The following ZSWIM6 variants were observed in gnomAD, a reference collection of about 807,000 sequenced individuals.
ZSWIM6 encodes the protein zinc finger SWIM-type containing 6, also known as zinc finger SWIM domain-containing protein 6.
ZSWIM6 carries 9 observed loss-of-function variants against 113.2 expected under a neutral mutation model. The ratio of observed to expected loss-of-function variants is 0.08; its 90% CI spans 0.05 to 0.14. The LOEUF is 0.14. Among genes scored for constraint, ZSWIM6 ranks in the 10% least tolerant of loss-of-function variants. ZSWIM6 has a pLI of 1.00. For synonymous variants in ZSWIM6, 611 were observed against 606.5 expected, an observed-to-expected ratio of 1.01 and a Z score of -0.11; for missense variants, 1,162 against 1,552.2, an observed-to-expected ratio of 0.75 and a Z score of 4.22.
chr5:61,491,553 G>T (rs930703036), intron 3 of ZSWIM6, among the ~76,000 whole-genome samples: 2 of 151,960 alleles, frequency 1.3e-5, no homozygotes, highest in Non-Finnish European at 1.5e-5. Context: ...AAAATTGATG[G>T]CTCAATAATT....
At chr5:61,381,077 T>C (rs1269467400) in intron 1 of ZSWIM6, among the ~76,000 whole-genome samples, 1 of 152,128 alleles carries the variant, frequency 6.6e-6, no homozygotes, top group East Asian at 1.9e-4. Flanking sequence ...GTCGAAACCC[T>C]GTCTCCACTA....
chr5:61,369,129 T>A (rs1013036282), intron 1 of ZSWIM6, among the ~76,000 whole-genome samples: 15 of 152,360 alleles, frequency 9.8e-5, no homozygotes, highest in African/African-American at 3.6e-4. Flanking sequence ...GTACATCACT[T>A]CATTGGGCAC....
At chr5:61,356,793 A>G (rs1404584391) in intron 1 of ZSWIM6, among the ~76,000 whole-genome samples, 6 of 141,894 alleles carry the variant, frequency 4.2e-5, no homozygotes, top group Non-Finnish European at 6.1e-5. Flanking sequence ...TATTTTATAT[A>G]TAATATAAAT....
chr5:61,511,033 T>TAA (rs1288933628), intron 4 of ZSWIM6, among the ~76,000 whole-genome samples: 1 of 152,300 alleles, frequency 6.6e-6, no homozygotes, highest in South Asian at 2.1e-4. Flanking sequence ...GGACTCTGAA[T>TAA]TAATAAAATT....
chr5:61,467,935 T>A (rs1328210620), intron 1 of ZSWIM6, among the ~76,000 whole-genome samples: 1 of 152,152 alleles, frequency 6.6e-6, no homozygotes, highest in African/African-American at 2.4e-5. Flanking sequence ...CCCCTCAAGA[T>A]TCCAGTAGCT....
chr5:61,380,547 C>T (rs920226616), intron 1 of ZSWIM6, among the ~76,000 whole-genome samples: 6 of 152,266 alleles, frequency 3.9e-5, no homozygotes, highest in Admixed American at 1.3e-4. Context: ...ATGGTATCAG[C>T]GTCAGCATTC....
chr5:61,398,449 G>A lies in ZSWIM6; in HGVS notation c.676+65501G>A, dbSNP rs112397538. ...ATGAATCGGTCCCTGGTGCCGAAAA[G>A]GTTGGGGACTGCCGCCTTTATAGCA... is the stretch of plus-strand genomic sequence containing the variant. On this transcript the variant is annotated intron_variant, in intron 1 of 13. Coordinates refer to ENST00000252744, the MANE Select transcript of ZSWIM6 (RefSeq NM_020928.2). Among the ~76,000 whole-genome samples, 70 of 152,236 alleles carry A rather than the reference G, an allele frequency of 4.6e-4. 2 individuals are homozygous for A. Among genetic ancestry groups the A allele is most frequent in the African/African-American group, 1.7e-3 (69 of 41,550 alleles).
chr5:61,527,878 CCTAA>C (rs1020916265), intron 7 of ZSWIM6, among the ~76,000 whole-genome samples: 17 of 151,994 alleles, frequency 1.1e-4, no homozygotes, highest in African/African-American at 2.4e-4. Context: ...TAGTTAGTTT[CCTAA>C]CTAACTAATG....
rs189741285 is a variant in ZSWIM6, at chr5:61,506,499, G to C, written c.1333+12089G>C. 2.2e-4 allele frequency among the ~76,000 whole-genome samples: 34 copies of C among 151,938 alleles called. No individual in the cohort carries two copies. In the East Asian group the frequency reaches 6.0e-3, roughly 27 times the overall value. ...TTGGGAGGCTAAGGTAGGAGAACTCGAGAGGCAGAGGTTGCAATGAGCCAA... is the reference window on the plus strand; with the variant it reads ...TTGGGAGGCTAAGGTAGGAGAACTCCAGAGGCAGAGGTTGCAATGAGCCAA... On this transcript the variant is annotated intron_variant, in intron 4 of 13. Transcript: ENST00000252744.
At chr5:61,361,568 T>C (rs1235028550) in intron 1 of ZSWIM6, among the ~76,000 whole-genome samples, 1 of 152,166 alleles carries the variant, frequency 6.6e-6, no homozygotes, top group Non-Finnish European at 1.5e-5. Context: ...TACTGACAGG[T>C]TATTTGTAAG....
chr5:61,332,853 C>A lies in ZSWIM6; in HGVS notation c.581C>A (p.Ala194Asp). The change falls in exon 1 of 14, where the codon GCC becomes GAC. Residue 194 changes from alanine (A) to aspartate (D), a missense_variant. Physicochemically the swap from Ala to Asp is moderately radical, Grantham distance 126. Around this residue, in one of 4 missense-constraint regions of ZSWIM6, gnomAD observed 333 missense variants for 293.4 expected, o/e 1.13. Coordinates refer to ENST00000252744, the MANE Select transcript of ZSWIM6 (RefSeq NM_020928.2). ...AGAGAPSVGA[A>D]GAADGGDETR... Reference sequence around the variant, plus strand: ...GCCGGGGCCCCGTCGGTGGGGGCTGCCGGGGCGGCGGACGGCGGCGACGAG... The same window carrying A: ...GCCGGGGCCCCGTCGGTGGGGGCTGACGGGGCGGCGGACGGCGGCGACGAG... 1 of 1,166,782 alleles carries A rather than the reference C, an allele frequency of 8.6e-7. No individual in the cohort carries two copies. Among genetic ancestry groups the A allele is most frequent in the Non-Finnish European group, 1.1e-6 (1 of 929,094 alleles). 72.3% of individuals were successfully genotyped at this position (1,166,782 alleles called of 1,614,324 possible).
At chr5:61,539,860 G>C in intron 12 of ZSWIM6, 101 bp downstream of exon 12, 1 of 1,165,760 alleles carries the variant, frequency 8.6e-7, no homozygotes, top group Non-Finnish European at 1.2e-6. Context: ...GCAGGTAAAT[G>C]ACTCTTTGGA....
chr5:61,392,849 T>C (rs1406663805), intron 1 of ZSWIM6, among the ~76,000 whole-genome samples: 2 of 151,898 alleles, frequency 1.3e-5, no homozygotes, highest in Non-Finnish European at 2.9e-5. Flanking sequence ...CAACCTCAGG[T>C]GATCTGCCCA....
intron 1 of ZSWIM6, among the ~76,000 whole-genome samples, chr5:61,389,601 G>T (rs1424298268): frequency 6.9e-6 from 1 of 145,086 alleles, no homozygotes; most frequent in African/African-American, 2.6e-5. Context: ...TGACAGAAAA[G>T]CTGGGAAAGC....
intron 1 of ZSWIM6, among the ~76,000 whole-genome samples, chr5:61,471,541 A>G (rs1747571241): frequency 6.6e-6 from 1 of 152,160 alleles, no homozygotes; most frequent in Non-Finnish European, 1.5e-5. Context: ...TCATGTGTGG[A>G]CCATTATAGG....
intron 1 of ZSWIM6, among the ~76,000 whole-genome samples, chr5:61,419,738 A>G (rs1746319969): frequency 6.6e-6 from 1 of 152,164 alleles, no homozygotes; most frequent in African/African-American, 2.4e-5. Context: ...GCCTCTCCTG[A>G]AAGGCTTTTT....
chr5:61,348,370 T>C (rs982404757), intron 1 of ZSWIM6, among the ~76,000 whole-genome samples: 8 of 152,204 alleles, frequency 5.3e-5, no homozygotes, highest in African/African-American at 4.8e-5. Flanking sequence ...TATTTAGATA[T>C]AGAGAGTTCT....
intron 10 of ZSWIM6, among the ~76,000 whole-genome samples, chr5:61,538,067 G>A (rs970909205): frequency 6.6e-6 from 1 of 152,152 alleles, no homozygotes; most frequent in Non-Finnish European, 1.5e-5. Flanking sequence ...GGGATTACAG[G>A]CACATGCCAC....
intron 3 of ZSWIM6, among the ~76,000 whole-genome samples, chr5:61,491,370 A>G (rs1748171117): frequency 6.6e-6 from 1 of 152,074 alleles, no homozygotes; most frequent in African/African-American, 2.4e-5. Context: ...TGAGTTTTAG[A>G]GTCATATAGA....
Sources: gnomAD v4.1 joint callset for allele counts (sites outside exome capture counted in the v4.1 genomes callset) on GRCh38, gnomAD v4.1.1 for gene constraint, gnomAD v4.1.1 regional missense constraint, MANE v1.5 for transcripts, NCBI Gene and HGNC (gene_info 2026-07-23, HGNC 2026-07-21) for gene names.